Variants in EIF2B3 observed in about 807,000 individuals in gnomAD.
EIF2B3 encodes the protein translation initiation factor eIF2B subunit gamma.
Under a neutral mutation model 54.1 loss-of-function variants are expected in EIF2B3, and 20 were observed. That is an observed-to-expected ratio of 0.37 (90% CI 0.26 to 0.54). The LOEUF (loss-of-function observed/expected upper bound fraction) is 0.54. Ranked by LOEUF, EIF2B3 falls within the 20% of genes least tolerant of loss-of-function variation. The probability of loss-of-function intolerance (pLI) is 0.86; values close to 1 mark genes in which losing one functional copy is unlikely to be tolerated. For synonymous variants in EIF2B3, 153 were observed against 188.1 expected (o/e 0.81, Z 1.52); for missense variants, 448 against 547.8 (o/e 0.82, Z 1.82).
intron 3 of EIF2B3, among the ~76,000 whole-genome samples, chr1:44,974,329 C>G (rs561525627): frequency 6.6e-6 from 1 of 151,538 alleles, no homozygotes; most frequent in African/African-American, 2.4e-5. Flanking sequence ...AAAAAAAGTC[C>G]AGGTGTGGTG....
chr1:44,886,951 A>T (rs927159916), intron 6 of EIF2B3, among the ~76,000 whole-genome samples: 6 of 152,174 alleles, frequency 3.9e-5, no homozygotes, highest in Non-Finnish European at 5.9e-5. Flanking sequence ...CAGAAGTGGG[A>T]TCTGAAGTAG....
chr1:44,962,617 C>CT (rs1254388430), intron 3 of EIF2B3, among the ~76,000 whole-genome samples: 1 of 152,136 alleles, frequency 6.6e-6, no homozygotes, highest in Non-Finnish European at 1.5e-5. Flanking sequence ...GTCTCACCAT[C>CT]TTGCCCAGGT....
intron 3 of EIF2B3, among the ~76,000 whole-genome samples, chr1:44,965,535 C>T (rs1644327864): frequency 1.3e-5 from 2 of 151,310 alleles, no homozygotes; most frequent in South Asian, 2.1e-4. Flanking sequence ...ACTAATACTA[C>T]TAATGTACTA....
chr1:44,937,833 G>A (rs1201110965), intron 4 of EIF2B3, among the ~76,000 whole-genome samples: 4 of 130,862 alleles, frequency 3.1e-5, no homozygotes, highest in Non-Finnish European at 6.2e-5. Flanking sequence ...GCAGTGAGCC[G>A]AGATCGCGCC....
intron 3 of EIF2B3, among the ~76,000 whole-genome samples, chr1:44,964,442 G>A (rs1024640759): frequency 1.3e-5 from 2 of 152,202 alleles, no homozygotes; most frequent in Admixed American, 6.5e-5. Flanking sequence ...GAATGACAGA[G>A]ATTTGTAATT....
At chr1:44,926,807 G>A (rs1643858226) in intron 4 of EIF2B3, 68 bp from the exon 5 acceptor site, 1 of 1,298,676 alleles carries the variant, frequency 7.7e-7, no homozygotes, top group Admixed American at 1.7e-5. Flanking sequence ...ATACACCAGG[G>A]AACACAGTAT....
At chr1:44,965,854 G>A (rs964873780) in intron 3 of EIF2B3, among the ~76,000 whole-genome samples, 3 of 151,776 alleles carry the variant, frequency 2.0e-5, no homozygotes, top group African/African-American at 7.3e-5. Flanking sequence ...TGGCCAGGCT[G>A]GTCTGGAACA....
chr1:44,868,301 G>A (rs1306435046), intron 10 of EIF2B3, among the ~76,000 whole-genome samples: 1 of 150,814 alleles, frequency 6.6e-6, no homozygotes, highest in Non-Finnish European at 1.5e-5. Flanking sequence ...AGGAGGCTGA[G>A]GCAGGAGAAT....
chr1:44,858,239 C>T (rs1654499585), intron 10 of EIF2B3, among the ~76,000 whole-genome samples: 1 of 151,636 alleles, frequency 6.6e-6, no homozygotes, highest in African/African-American at 2.4e-5. Flanking sequence ...TGGCTAATTA[C>T]TTCAGTTCTT....
intron 5 of EIF2B3, among the ~76,000 whole-genome samples, chr1:44,922,746 C>A (rs907585233): frequency 2.7e-5 from 4 of 150,404 alleles, no homozygotes; most frequent in Non-Finnish European, 5.9e-5. Context: ...ATTGTAGAGA[C>A]CTTTTGCTTC....
At chr1:44,853,295 G>A (rs1654336050) in intron 11 of EIF2B3, among the ~76,000 whole-genome samples, 1 of 151,960 alleles carries the variant, frequency 6.6e-6, no homozygotes, top group South Asian at 2.1e-4. Context: ...CAGTAAGTTG[G>A]AGGAAACCTG....
intron 6 of EIF2B3, among the ~76,000 whole-genome samples, chr1:44,889,597 T>C (rs1356930765): frequency 1.3e-5 from 2 of 152,088 alleles, no homozygotes; most frequent in South Asian, 2.1e-4. Context: ...TTACTTTGTT[T>C]TTTATCTTTT....
At chr1:44,877,238 CCAGTGCTCAAT>C (rs1450966904) in intron 8 of EIF2B3, among the ~76,000 whole-genome samples, 1 of 137,802 alleles carries the variant, frequency 7.3e-6, no homozygotes, top group Non-Finnish European at 1.5e-5. Context: ...TAGGTAGAAC[CCAGTGCTCAAT>C]CAGAGATACA....
intron 5 of EIF2B3, among the ~76,000 whole-genome samples, chr1:44,920,798 C>T (rs532021502): frequency 2.9e-4 from 44 of 152,256 alleles, no homozygotes; most frequent in East Asian, 3.9e-4. Context: ...TGTTGATGGA[C>T]GCTTAGGTTG....
At chr1:44,893,557 A>G (rs1284207085) in intron 6 of EIF2B3, among the ~76,000 whole-genome samples, 1 of 152,216 alleles carries the variant, frequency 6.6e-6, no homozygotes, top group Non-Finnish European at 1.5e-5. Context: ...CCTCTATAAT[A>G]TGAGTATAAT....
intron 4 of EIF2B3, among the ~76,000 whole-genome samples, chr1:44,930,558 C>G (rs937361332): frequency 6.6e-6 from 1 of 152,238 alleles, no homozygotes; most frequent in Admixed American, 6.5e-5. Context: ...ACCTTGTAAA[C>G]AAGCCTGGGC....
chr1:44,890,120 G>C (rs6671639), intron 6 of EIF2B3, among the ~76,000 whole-genome samples: 11,180 of 152,174 alleles, frequency 0.073, 1,414 homozygotes, highest in African/African-American at 0.26. Flanking sequence ...TGAGAGATAA[G>C]ACTCTCATGG....
At chr1:44,967,195 C>G (rs1236155225) in intron 3 of EIF2B3, among the ~76,000 whole-genome samples, 2 of 151,030 alleles carry the variant, frequency 1.3e-5, no homozygotes, top group Non-Finnish European at 3.0e-5. Context: ...GCTTGTAATC[C>G]CAGCACTTTG....
chr1:44,946,292 T>G (rs1377715706), intron 3 of EIF2B3, among the ~76,000 whole-genome samples: 4 of 152,152 alleles, frequency 2.6e-5, no homozygotes, highest in Non-Finnish European at 5.9e-5. Flanking sequence ...GAATGCACCA[T>G]GTAAGAGTCA....
Sources: allele counts gnomAD v4.1 joint callset (sites outside exome capture counted in the v4.1 genomes callset), GRCh38; gene constraint gnomAD v4.1.1; transcripts MANE v1.5; gene names NCBI Gene and HGNC (gene_info 2026-07-23, HGNC 2026-07-21).